Variants in TENM2 observed in about 807,000 individuals in gnomAD.
The protein encoded by TENM2 is teneurin-2.
In TENM2, 52 loss-of-function variants were observed where a neutral mutation model predicts 245.2. The ratio of observed to expected loss-of-function variants is 0.21; its 90% CI spans 0.17 to 0.27. TENM2 has a LOEUF of 0.27. Ranked by LOEUF, TENM2 falls within the 10% of genes least tolerant of loss-of-function variation. The pLI is 1.00. For missense variants in TENM2, 3,046 were observed against 3,666.8 expected (o/e 0.83, Z 4.37); for synonymous variants, 1,363 against 1,438.9 (o/e 0.95, Z 1.19).
At chr5:167,286,193 G>A (rs1006135457) in intron 1 of TENM2, among the ~76,000 whole-genome samples, 1 of 152,062 alleles carries the variant, frequency 6.6e-6, no homozygotes, top group South Asian at 2.1e-4. Context: ...ACATAGGATT[G>A]AAAAAATAAA....
chr5:166,992,551 C>T, the TENM2 span, among the ~76,000 whole-genome samples: 2 of 152,150 alleles, frequency 1.3e-5, no homozygotes, highest in Non-Finnish European at 2.9e-5. Context: ...TTTCAAAGTG[C>T]TCCATGTCAT....
At chr5:167,210,421 A>G in the TENM2 span, among the ~76,000 whole-genome samples, 2 of 151,432 alleles carry the variant, frequency 1.3e-5, no homozygotes, top group Non-Finnish European at 2.9e-5. Flanking sequence ...TCATTCTTGA[A>G]CTGCCAAATC....
At chr5:167,013,542 C>A in the TENM2 span, among the ~76,000 whole-genome samples, 1 of 151,828 alleles carries the variant, frequency 6.6e-6, no homozygotes, top group Non-Finnish European at 1.5e-5. Context: ...CCTGTCTCCC[C>A]TAAAAAATAC....
chr5:167,575,989 A>T (rs1048704059), intron 2 of TENM2, among the ~76,000 whole-genome samples: 3 of 152,160 alleles, frequency 2.0e-5, no homozygotes, highest in Non-Finnish European at 2.9e-5. Context: ...ATTATTTCTC[A>T]AATAAGTGGC....
chr5:167,445,469 G>A (rs1765155851), intron 2 of TENM2, among the ~76,000 whole-genome samples: 1 of 151,884 alleles, frequency 6.6e-6, no homozygotes, highest in South Asian at 2.1e-4. Context: ...GAAACATTAT[G>A]TAAGCAAGTA....
chr5:167,295,874 C>T (rs1754922630), intron 1 of TENM2, among the ~76,000 whole-genome samples: 1 of 152,158 alleles, frequency 6.6e-6, no homozygotes, highest in Non-Finnish European at 1.5e-5. Flanking sequence ...AACCTCAAGT[C>T]AGATCTACTT....
chr5:167,107,288 G>C, the TENM2 span, among the ~76,000 whole-genome samples: 1 of 149,194 alleles, frequency 6.7e-6, no homozygotes, highest in Non-Finnish European at 1.5e-5. Context: ...AGGAAGGAAG[G>C]AGGGAAGGGA....
At chr5:167,011,272 G>A in the TENM2 span, among the ~76,000 whole-genome samples, 1 of 152,126 alleles carries the variant, frequency 6.6e-6, no homozygotes, top group African/African-American at 2.4e-5. Context: ...ATCCATAAAC[G>A]TCTAAGTAAT....
chr5:167,514,323 C>T (rs1562017310), intron 2 of TENM2, among the ~76,000 whole-genome samples: 1 of 152,120 alleles, frequency 6.6e-6, no homozygotes, highest in Non-Finnish European at 1.5e-5. Flanking sequence ...CCATCACCTT[C>T]CTAGAATTGT....
At chr5:168,092,829 G>A (rs1005333864) in intron 8 of TENM2, among the ~76,000 whole-genome samples, 3 of 152,140 alleles carry the variant, frequency 2.0e-5, no homozygotes, top group Non-Finnish European at 4.4e-5. Context: ...GCTCAGCTGG[G>A]GTCTACAAGA....
intron 2 of TENM2, among the ~76,000 whole-genome samples, chr5:167,672,526 A>G (rs1480885555): frequency 1.3e-5 from 2 of 152,072 alleles, no homozygotes; most frequent in African/African-American, 4.8e-5. Context: ...CATACCCCAC[A>G]GGCAAGTTTC....
At chr5:167,507,588 G>A (rs1383847035) in intron 2 of TENM2, among the ~76,000 whole-genome samples, 1 of 152,196 alleles carries the variant, frequency 6.6e-6, no homozygotes, top group Admixed American at 6.6e-5. Context: ...TCTGGGCCAA[G>A]TGACATCATG....
At chr5:167,195,297 TA>T in the TENM2 span, among the ~76,000 whole-genome samples, 5 of 152,076 alleles carry the variant, frequency 3.3e-5, no homozygotes, top group Non-Finnish European at 5.9e-5. Context: ...TAGCTTAAGT[TA>T]ATGTGTCCAA....
At chr5:167,032,657 T>A in the TENM2 span, among the ~76,000 whole-genome samples, 1 of 152,202 alleles carries the variant, frequency 6.6e-6, no homozygotes, top group African/African-American at 2.4e-5. Flanking sequence ...CGTATGGGAA[T>A]CGTGCAATGA....
chr5:167,275,002 A>G, the TENM2 span, among the ~76,000 whole-genome samples: 5 of 151,984 alleles, frequency 3.3e-5, no homozygotes, highest in South Asian at 1.0e-3. Flanking sequence ...AAGAATATAT[A>G]TACATATAAA....
chr5:166,979,210 C>CAGCAGCAGCAGG, the TENM2 span, among the ~76,000 whole-genome samples: 2 of 147,252 alleles, frequency 1.4e-5, no homozygotes, highest in African/African-American at 4.9e-5. Context: ...GCAGCAGCAG[C>CAGCAGCAGCAGG]AGCAGCAGCA....
intron 2 of TENM2, among the ~76,000 whole-genome samples, chr5:167,843,065 G>T (rs1427415319): frequency 6.6e-6 from 1 of 152,000 alleles, no homozygotes; most frequent in Non-Finnish European, 1.5e-5. Flanking sequence ...CCAACTCTAG[G>T]GTCCGTGAAA....
chr5:167,049,353 G>A, the TENM2 span, among the ~76,000 whole-genome samples: 2,464 of 152,248 alleles, frequency 0.016, 28 homozygotes, highest in Non-Finnish European at 0.024. Flanking sequence ...GGTTTTTCAT[G>A]ACTGCCTTTC....
chr5:167,791,230 T>A (rs1764934179), intron 2 of TENM2, among the ~76,000 whole-genome samples: 1 of 151,904 alleles, frequency 6.6e-6, no homozygotes, highest in East Asian at 1.9e-4. Flanking sequence ...ACTTTTGATT[T>A]CTCTCATACA....
Sources: gnomAD v4.1 joint callset for allele counts (sites outside exome capture counted in the v4.1 genomes callset) on GRCh38, gnomAD v4.1.1 for gene constraint, MANE v1.5 for transcripts, NCBI Gene and HGNC (gene_info 2026-07-23, HGNC 2026-07-21) for gene names.